Variants in SVOPL observed in about 807,000 individuals in gnomAD.
The protein encoded by SVOPL is putative transporter SVOPL.
SVOPL carries 60 observed loss-of-function variants against 61.0 expected under a neutral mutation model. The observed-to-expected ratio is 0.98, with a 90% CI of 0.80 to 1.22. The LOEUF is 1.22. Ranked by LOEUF, SVOPL falls within the 50% of genes most tolerant of loss-of-function variation. The pLI, the probability that SVOPL is intolerant of heterozygous loss-of-function variation, is 0.00. For missense variants in SVOPL, 662 were observed against 643.9 expected (o/e 1.03, Z -0.30); for synonymous variants, 279 against 250.0 (o/e 1.12, Z -1.09).
chr7:138,690,852 A>T (rs1441432872), intron 1 of SVOPL, among the ~76,000 whole-genome samples: 1 of 151,970 alleles, frequency 6.6e-6, no homozygotes, highest in Middle Eastern at 3.2e-3. Flanking sequence ...AGCTCACTTC[A>T]GCCTCTGCCT....
At chr7:138,632,715 G>T (rs533246359) in intron 9 of SVOPL, among the ~76,000 whole-genome samples, 1 of 151,072 alleles carries the variant, frequency 6.6e-6, no homozygotes, top group Non-Finnish European at 1.5e-5. Context: ...GAGACAGGGG[G>T]TTGTGGAGGG....
intron 1 of SVOPL, among the ~76,000 whole-genome samples, chr7:138,682,421 A>T (rs1336266538): frequency 6.6e-6 from 1 of 152,220 alleles, no homozygotes; most frequent in Non-Finnish European, 1.5e-5. Flanking sequence ...CGAATCAGGA[A>T]TCTAGCTCTA....
At chr7:138,637,203 G>A (rs1036464511) in intron 9 of SVOPL, among the ~76,000 whole-genome samples, 1 of 152,084 alleles carries the variant, frequency 6.6e-6, no homozygotes, top group East Asian at 1.9e-4. Context: ...TGAGGTGGGT[G>A]TATCACTTGA....
chr7:138,654,454 A>C (rs1161070340), intron 7 of SVOPL, among the ~76,000 whole-genome samples: 1 of 151,360 alleles, frequency 6.6e-6, no homozygotes, highest in African/African-American at 2.4e-5. Flanking sequence ...AGAACAACAA[A>C]ACCTGGATGA....
At chr7:138,654,209 A>C (rs900301549) in intron 7 of SVOPL, among the ~76,000 whole-genome samples, 2 of 151,978 alleles carry the variant, frequency 1.3e-5, no homozygotes, top group Non-Finnish European at 2.9e-5. Context: ...GGTGTTTGCT[A>C]GATCAGTAGA....
intron 9 of SVOPL, among the ~76,000 whole-genome samples, chr7:138,638,092 G>A (rs1248025190): frequency 6.6e-6 from 1 of 152,064 alleles, no homozygotes; most frequent in African/African-American, 2.4e-5. Flanking sequence ...TGGCTAACAT[G>A]GTGAAACCCC....
At chr7:138,632,594 G>A (rs1193807479) in intron 9 of SVOPL, among the ~76,000 whole-genome samples, 1 of 152,028 alleles carries the variant, frequency 6.6e-6, no homozygotes, top group Non-Finnish European at 1.5e-5. Context: ...AGAAGGTGGA[G>A]GGAGAGGTGA....
intron 14 of SVOPL, among the ~76,000 whole-genome samples, chr7:138,609,489 CAAAAAAAAAAA>C (rs35516590): frequency 2.1e-5 from 1 of 48,338 alleles, no homozygotes; most frequent in Non-Finnish European, 4.2e-5. Flanking sequence ...ACCACCTCTA[CAAAAAAAAAAA>C]AAAAAAAAAA....
Position 138,625,951 on chromosome 7 carries a change from C to A in SVOPL, c.1263+18G>T, listed in dbSNP as rs370885618. 8.1e-5 allele frequency: 131 copies of A among 1,613,632 alleles called. No homozygotes were observed. The African/African-American group carries it at 1.6e-3, about 20-fold the overall frequency. On this transcript the variant is annotated intron_variant, in intron 13 of 15. Coordinates refer to ENST00000674285, the MANE Select transcript of SVOPL (RefSeq NM_001139456.2). ...ACCTTACACACCCTTTGTAAGCAAGCCTTGCATGAAAACTCACCTCAGCTG... is the reference window on the plus strand; with the variant it reads ...ACCTTACACACCCTTTGTAAGCAAGACTTGCATGAAAACTCACCTCAGCTG...
intron 6 of SVOPL, among the ~76,000 whole-genome samples, chr7:138,658,905 A>G (rs981555912): frequency 1.3e-5 from 2 of 149,564 alleles, no homozygotes; most frequent in African/African-American, 2.5e-5. Context: ...TCATCTACCA[A>G]CTACCACCAT....
Position 138,678,510 on chromosome 7 carries a change from G to T in SVOPL, c.98C>A (p.Thr33Asn), listed in dbSNP as rs1802627001. 1.9e-6 allele frequency: 3 copies of T among 1,551,994 alleles called. No homozygotes were observed. The highest frequency in any genetic ancestry group is 2.0e-5 in the Admixed American group (1 of 50,974). ...EPQVKEPKTF[T>N]VEDAVETIGF... ...GATAGTCTCCACTGCATCTTCCACGGTGAACGTCTTTGGCTCTAACAACGA... is the reference window on the plus strand; with the variant it reads ...GATAGTCTCCACTGCATCTTCCACGTTGAACGTCTTTGGCTCTAACAACGA... Residue 33 changes from threonine (T) to asparagine (N), a missense_variant, in exon 3 of 16, where the codon ACC becomes AAC. Physicochemically the swap from Thr to Asn is moderately conservative, Grantham distance 65. Coordinates refer to ENST00000674285, the MANE Select transcript of SVOPL (RefSeq NM_001139456.2).
intron 5 of SVOPL, 170 bp from the exon 6 acceptor site, chr7:138,660,158 C>T (rs1801941787): frequency 2.1e-6 from 3 of 1,401,572 alleles, no homozygotes; most frequent in South Asian, 3.0e-5. Context: ...ACAATCCATG[C>T]CATTCTACTG....
At chr7:138,651,142 G>A (rs1584835160) in intron 7 of SVOPL, among the ~76,000 whole-genome samples, 1 of 152,072 alleles carries the variant, frequency 6.6e-6, no homozygotes, top group African/African-American at 2.4e-5. Flanking sequence ...TGGAAGGGAG[G>A]TAGGACAGCC....
chr7:138,630,008 G>A (rs760970330), intron 10 of SVOPL, 41 bp downstream of exon 10: 3 of 1,527,486 alleles, frequency 2.0e-6, no homozygotes, highest in South Asian at 1.1e-5. Flanking sequence ...TCCTCCCAAT[G>A]CCTCTATTTA....
intron 14 of SVOPL, among the ~76,000 whole-genome samples, chr7:138,604,203 A>G (rs549676146): frequency 4.6e-5 from 7 of 151,902 alleles, no homozygotes; most frequent in South Asian, 2.1e-4. Context: ...GGATGAAGCA[A>G]TCCTCCCACT....
At chr7:138,683,268 T>TG (rs1249116168) in intron 1 of SVOPL, among the ~76,000 whole-genome samples, 1 of 152,114 alleles carries the variant, frequency 6.6e-6, no homozygotes, top group African/African-American at 2.4e-5. Flanking sequence ...GAAAAAAGAA[T>TG]GGTGATCTAT....
At chr7:138,664,241 C>T (rs1317189064) in intron 4 of SVOPL, 1 of 985,198 alleles carries the variant, frequency 1.0e-6, no homozygotes, top group East Asian at 1.1e-4. Context: ...TCGCGCGCCC[C>T]ACCTAGCGCG....
chr7:138,629,050 T>A (rs1488775079), intron 10 of SVOPL, among the ~76,000 whole-genome samples: 1 of 151,884 alleles, frequency 6.6e-6, no homozygotes, highest in Non-Finnish European at 1.5e-5. Context: ...CTTCAAAAAT[T>A]TTTAAAAACT....
In SVOPL at chr7:138,638,817, C is replaced by T. The variant is rs1800631542; in HGVS notation, c.789+5900G>A. Reference sequence around the variant, plus strand: ...TAGAATAAAAGAAAGTACATTAATTCCAAGTTAATAAAAGGAAGTGCAGGG... The same window carrying T: ...TAGAATAAAAGAAAGTACATTAATTTCAAGTTAATAAAAGGAAGTGCAGGG... On this transcript the variant is annotated intron_variant, in intron 9 of 15. Transcript: ENST00000674285. 3.9e-5 allele frequency among the ~76,000 whole-genome samples: 6 copies of T among 152,158 alleles called. 1 individual carries two copies. The South Asian group carries it at 1.2e-3, about 32-fold the overall frequency.
Sources: allele counts gnomAD v4.1 joint callset (sites outside exome capture counted in the v4.1 genomes callset), GRCh38; gene constraint gnomAD v4.1.1; transcripts MANE v1.5; gene names NCBI Gene and HGNC (gene_info 2026-07-23, HGNC 2026-07-21).